Variants in HK2 observed in about 807,000 individuals in gnomAD.
The protein encoded by HK2 is hexokinase-2.
In HK2, 42 loss-of-function variants were observed where a neutral mutation model predicts 92.9. The ratio of observed to expected loss-of-function variants is 0.45; its 90% CI spans 0.35 to 0.58. HK2 has a LOEUF of 0.58. Ranked by LOEUF, HK2 falls within the 20% of genes least tolerant of loss-of-function variation. The pLI is 0.00. For missense variants in HK2, 978 were observed against 1,245.1 expected, an observed-to-expected ratio of 0.79 and a Z score of 3.23; for synonymous variants, 422 against 468.0, an observed-to-expected ratio of 0.90 and a Z score of 1.27.
At chr2:74,840,501 C>T (rs544097770) in intron 1 of HK2, among the ~76,000 whole-genome samples, 6 of 152,060 alleles carry the variant, frequency 3.9e-5, no homozygotes, top group African/African-American at 1.2e-4. Context: ...TCATTATCAT[C>T]GTTGAGCTTT....
chr2:74,882,338 G>A, intron 12 of HK2, 99 bp downstream of exon 12: 2 of 1,580,270 alleles, frequency 1.3e-6, no homozygotes, highest in Non-Finnish European at 1.7e-6. Flanking sequence ...CTAAGACTAA[G>A]GAAAGGAGGG....
At chr2:74,878,576 C>A in intron 8 of HK2, 112 bp from the exon 9 acceptor site, 1 of 842,802 alleles carries the variant, frequency 1.2e-6, no homozygotes, top group Non-Finnish European at 2.0e-6. Flanking sequence ...GATTCTGTCC[C>A]CACTGGGTGG....
chr2:74,850,054 ATATCT>A (rs1688530263), intron 1 of HK2, among the ~76,000 whole-genome samples: 3 of 152,328 alleles, frequency 2.0e-5, no homozygotes, highest in East Asian at 3.9e-4. Context: ...ACCTGGCCTA[ATATCT>A]TAACCACCGA....
At chr2:74,837,963 C>A (rs564578024) in intron 1 of HK2, among the ~76,000 whole-genome samples, 1 of 152,138 alleles carries the variant, frequency 6.6e-6, no homozygotes. Context: ...CGTGAGCCAC[C>A]GCACGAGGCC....
At chr2:74,885,371 A>T in intron 12 of HK2, 123 bp from the exon 13 acceptor site, 1 of 733,224 alleles carries the variant, frequency 1.4e-6, no homozygotes, top group Middle Eastern at 3.3e-4. Flanking sequence ...GGGTGAGATG[A>T]TTGGTGACTC....
chr2:74,867,157 A>G (rs1688971633), intron 2 of HK2, among the ~76,000 whole-genome samples: 1 of 152,116 alleles, frequency 6.6e-6, no homozygotes, highest in Admixed American at 6.5e-5. Context: ...ATTGAATTAT[A>G]AAAGTAATGT....
rs1027599665 is a variant in HK2, at chr2:74,874,418, G to A, written c.844G>A (p.Asp282Asn). The change falls in exon 7 of 18, where the codon GAC becomes AAC. Residue 282 changes from aspartate to asparagine, a missense_variant. Coordinates refer to ENST00000290573, the MANE Select transcript of HK2 (RefSeq NM_000189.5). Reference sequence around the variant, plus strand: ...TCGCACTGAGTTTGACCAGGAGATTGACATGGGCTCACTGAACCCGGGAAA... The same window carrying A: ...TCGCACTGAGTTTGACCAGGAGATTAACATGGGCTCACTGAACCCGGGAAA... ...DIRTEFDQEI[D>N]MGSLNPGKQL... 6.2e-7 allele frequency: 1 copy of A among 1,610,528 alleles called. No individual in the cohort carries two copies. The highest frequency in any genetic ancestry group is 8.5e-7 in the Non-Finnish European group (1 of 1,177,946).
intron 1 of HK2, among the ~76,000 whole-genome samples, chr2:74,852,053 T>C (rs1688583300): frequency 6.6e-6 from 1 of 152,148 alleles, no homozygotes; most frequent in Non-Finnish European, 1.5e-5. Context: ...ACTTCCCCTC[T>C]CTGTAGAATA....
chr2:74,850,292 ACT>A (rs1688535237), intron 1 of HK2, among the ~76,000 whole-genome samples: 1 of 152,068 alleles, frequency 6.6e-6, no homozygotes, highest in African/African-American at 2.4e-5. Flanking sequence ...AAGTTTGGAA[ACT>A]CTTATCACAA....
intron 3 of HK2, among the ~76,000 whole-genome samples, chr2:74,869,548 G>C (rs965738304): frequency 6.6e-6 from 1 of 152,144 alleles, no homozygotes; most frequent in African/African-American, 2.4e-5. Flanking sequence ...TCTGTCTTCC[G>C]GCACATTAAC....
At chr2:74,835,416 GAT>G (rs1052012336) in intron 1 of HK2, 1 of 152,446 alleles carries the variant, frequency 6.6e-6, no homozygotes, top group Admixed American at 6.5e-5. Flanking sequence ...CGCGTTCCTG[GAT>G]TACTTGAGAT....
At chr2:74,873,816 G>T in intron 5 of HK2, 28 bp from the exon 6 acceptor site, 1 of 1,545,800 alleles carries the variant, frequency 6.5e-7, no homozygotes, top group Non-Finnish European at 8.9e-7. Context: ...GATGATGAAG[G>T]TCAGAGCCCT....
Position 74,842,927 on chromosome 2 carries a change from C to G in HK2, c.63+8284C>G, listed in dbSNP as rs578139431. 9.8e-5 allele frequency among the ~76,000 whole-genome samples: 15 copies of G among 152,358 alleles called. No homozygotes were observed. The East Asian group carries it at 2.9e-3, about 29-fold the overall frequency. On this transcript the variant is annotated intron_variant, in intron 1 of 17. Coordinates refer to ENST00000290573, the MANE Select transcript of HK2 (RefSeq NM_000189.5). The stretch of plus-strand genomic sequence containing the variant: ...TCCTTTTCCCTAACCTCTGTCTCCC[C>G]GGTAACTAACCCAGAGAAGAGCAGA...
chr2:74,852,943 T>C (rs1688604189), intron 1 of HK2, among the ~76,000 whole-genome samples: 1 of 152,258 alleles, frequency 6.6e-6, no homozygotes, highest in African/African-American at 2.4e-5. Flanking sequence ...TTGGTACTTA[T>C]GATTTGGACC....
At chr2:74,852,898 A>C (rs1688603139) in intron 1 of HK2, among the ~76,000 whole-genome samples, 2 of 152,202 alleles carry the variant, frequency 1.3e-5, no homozygotes, top group South Asian at 4.1e-4. Flanking sequence ...GCCTCCAGGT[A>C]TGCAAAGGTG....
At chr2:74,868,164 T>C (rs187299902) in intron 3 of HK2, among the ~76,000 whole-genome samples, 153 of 152,214 alleles carry the variant, frequency 1.0e-3, no homozygotes, top group African/African-American at 3.5e-3. Context: ...TAGAACACGC[T>C]GGGGAGATAT....
chr2:74,852,699 A>C (rs1394742109), intron 1 of HK2, among the ~76,000 whole-genome samples: 3 of 152,024 alleles, frequency 2.0e-5, no homozygotes, highest in Non-Finnish European at 2.9e-5. Flanking sequence ...AAAAAAAAAA[A>C]ACAACAAAAA....
chr2:74,876,866 T>C (rs1409120335), intron 7 of HK2, among the ~76,000 whole-genome samples: 1 of 152,252 alleles, frequency 6.6e-6, no homozygotes, highest in African/African-American at 2.4e-5. Flanking sequence ...ATTACCACCC[T>C]ACGCATAACT....
At chr2:74,859,721 G>C (rs1168255700) in intron 2 of HK2, among the ~76,000 whole-genome samples, 1 of 152,194 alleles carries the variant, frequency 6.6e-6, no homozygotes, top group Non-Finnish European at 1.5e-5. Flanking sequence ...ATACACTGTT[G>C]GTGGGAATGT....
Sources: allele counts gnomAD v4.1 joint callset (sites outside exome capture counted in the v4.1 genomes callset), GRCh38; gene constraint gnomAD v4.1.1; transcripts MANE v1.5; gene names NCBI Gene and HGNC (gene_info 2026-07-23, HGNC 2026-07-21).